The following DUSP29 variants were observed in gnomAD, a reference collection of about 807,000 sequenced individuals.
DUSP29 encodes dual specificity phosphatase 29.
DUSP29 carries 12 observed loss-of-function variants against 13.5 expected under a neutral mutation model. The ratio of observed to expected loss-of-function variants is 0.89; its 90% CI spans 0.57 to 1.44. DUSP29 has a LOEUF of 1.44. Among genes scored for constraint, DUSP29 ranks in the 40% most tolerant of loss-of-function variants. The pLI is 0.00. For synonymous variants in DUSP29, 134 were observed against 128.7 expected (o/e 1.04, Z -0.28); for missense variants, 308 against 301.1 (o/e 1.02, Z -0.17).
chr10:75,073,122 T>A (rs1847370494), intron 1 of DUSP29, among the ~76,000 whole-genome samples: 2 of 152,138 alleles, frequency 1.3e-5, no homozygotes, highest in African/African-American at 4.8e-5. Context: ...GGGAGAATTC[T>A]CATCCCTGGA....
At chr10:75,048,209 T>C (rs963007131) in intron 2 of DUSP29, among the ~76,000 whole-genome samples, 1 of 152,176 alleles carries the variant, frequency 6.6e-6, no homozygotes, top group African/African-American at 2.4e-5. Flanking sequence ...TTGCTAAAAA[T>C]TGCAGTCCGT....
intron 3 of DUSP29, among the ~76,000 whole-genome samples, chr10:75,042,328 A>C (rs1846603192): frequency 6.6e-6 from 1 of 152,250 alleles, no homozygotes; most frequent in South Asian, 2.1e-4. Flanking sequence ...AAATATAGTA[A>C]TGGCAAGTGA....
chr10:75,065,917 G>A (rs1847193148), intron 1 of DUSP29, among the ~76,000 whole-genome samples: 1 of 151,444 alleles, frequency 6.6e-6, no homozygotes, highest in South Asian at 2.1e-4. Flanking sequence ...TATTTTTGTA[G>A]ACATTGTCTT....
At chr10:75,039,599 C>T (rs779548379) in intron 3 of DUSP29, among the ~76,000 whole-genome samples, 14 of 152,170 alleles carry the variant, frequency 9.2e-5, no homozygotes, top group Admixed American at 6.5e-4. Flanking sequence ...GCCTCTGTCA[C>T]GAAAATCAGA....
Position 75,066,695 on chromosome 10 carries a change from C to T in DUSP29, c.-35+6874G>A, listed in dbSNP as rs77318427. ...GGAGTAGAAGCTCACCCAAAACCCC[C>T]GGGCCGAGGCAGGAAGGTGGCCCTC... is the stretch of plus-strand genomic sequence containing the variant. On this transcript the variant is annotated intron_variant, in intron 1 of 3. Transcript: ENST00000338487. Among the ~76,000 whole-genome samples, 319 of 152,196 alleles carry T rather than the reference C, an allele frequency of 2.1e-3. 1 individual carries two copies. The highest frequency in any genetic ancestry group is 7.3e-3 in the African/African-American group (302 of 41,548).
chr10:75,049,939 G>A (rs1030277991), intron 2 of DUSP29, among the ~76,000 whole-genome samples: 18 of 152,232 alleles, frequency 1.2e-4, no homozygotes, highest in Non-Finnish European at 2.4e-4. Flanking sequence ...GCAGGAATCT[G>A]AGCCCAAATG....
rs541488917 is a variant in DUSP29 at position 75,042,000 on chromosome 10, CT to C, written c.421+1796del. On this transcript the variant is annotated intron_variant, in intron 3 of 3. Coordinates refer to ENST00000338487, the MANE Select transcript of DUSP29 (RefSeq NM_001003892.3). The stretch of plus-strand genomic sequence containing the variant: ...ATCTTACAGTTCAAAGTTGGAATGT[CT>C]TTTTTTTTTCTTTGAGGATTGGAAA... 3.3e-4 allele frequency among the ~76,000 whole-genome samples: 49 copies of C among 150,516 alleles called. 1 individual carries two copies. The South Asian group carries it at 3.8e-3, about 12-fold the overall frequency.
intron 3 of DUSP29, among the ~76,000 whole-genome samples, chr10:75,041,942 C>T (rs2134281024): frequency 6.6e-6 from 1 of 152,314 alleles, no homozygotes; most frequent in African/African-American, 2.4e-5. Flanking sequence ...AAATTGAGTG[C>T]CAGGAACCTA....
intron 1 of DUSP29, among the ~76,000 whole-genome samples, chr10:75,073,351 A>T (rs1589872983): frequency 6.6e-6 from 1 of 152,234 alleles, no homozygotes; most frequent in Admixed American, 6.5e-5. Context: ...ATGGTCGTTG[A>T]ACTGGAAGTT....
At chr10:75,064,533 G>A (rs1437520802) in intron 1 of DUSP29, among the ~76,000 whole-genome samples, 1 of 151,968 alleles carries the variant, frequency 6.6e-6, no homozygotes, top group Non-Finnish European at 1.5e-5. Flanking sequence ...AACAAAAAAA[G>A]TTTTTTGTAG....
Position 75,037,916 on chromosome 10 carries a change from C to T in DUSP29, c.583G>A (p.Glu195Lys), listed in dbSNP as rs1266407256. Residue 195 changes from glutamate (E) to lysine (K), a missense_variant, in exon 4 of 4, where the codon GAG (glutamate) becomes AAG (lysine). Physicochemically the swap from Glu to Lys is moderately conservative, Grantham distance 56. Transcript: ENST00000338487. Reference sequence around the variant, plus strand: ...TGCTGCACCAGCTGCTTGTCCAGCTCCCGGAGCTGCTTCAAAAAGCCCCGG... The same window carrying T: ...TGCTGCACCAGCTGCTTGTCCAGCTTCCGGAGCTGCTTCAAAAAGCCCCGG... ...PNRGFLKQLRELDKQLVQQRR... is the reference protein window; with the variant it reads ...PNRGFLKQLRKLDKQLVQQRR... 1 of 1,613,808 alleles carries T rather than the reference C, an allele frequency of 6.2e-7. No individual in the cohort carries two copies.
At position 75,057,421 on chromosome 10, in the gene DUSP29, T is replaced by C. The variant is rs1161980909; in HGVS notation, c.200+894A>G. ...GAGCAGTTAAGAACAAGCCTCTGGG[T>C]TGGGCAGAGCTGCATTTTAATCCCA... is the stretch of plus-strand genomic sequence containing the variant. On this transcript the variant is annotated intron_variant, in intron 2 of 3. Transcript: ENST00000338487. Among the ~76,000 whole-genome samples, 4 of 152,132 alleles carry C rather than the reference T, an allele frequency of 2.6e-5. No individual in the cohort carries two copies. The East Asian group carries it at 5.8e-4, about 22-fold the overall frequency.
At chr10:75,062,074 A>G (rs569128951) in intron 1 of DUSP29, among the ~76,000 whole-genome samples, 1 of 152,262 alleles carries the variant, frequency 6.6e-6, no homozygotes, top group South Asian at 2.1e-4. Flanking sequence ...TCCAGTCAGG[A>G]AGGAAGAAAT....
At chr10:75,067,398 A>C (rs1008008026) in intron 1 of DUSP29, among the ~76,000 whole-genome samples, 3 of 152,120 alleles carry the variant, frequency 2.0e-5, no homozygotes, top group Non-Finnish European at 4.4e-5. Flanking sequence ...TCAGATGAAG[A>C]GGGCAGCCCC....
chr10:75,050,108 G>A (rs2134288941), intron 2 of DUSP29, among the ~76,000 whole-genome samples: 1 of 152,324 alleles, frequency 6.6e-6, no homozygotes, highest in South Asian at 2.1e-4. Flanking sequence ...TCCCGTTTCA[G>A]CCAAGCCTTA....
intron 1 of DUSP29, among the ~76,000 whole-genome samples, chr10:75,069,634 C>T (rs955944195): frequency 2.6e-5 from 4 of 152,200 alleles, no homozygotes; most frequent in African/African-American, 7.2e-5. Flanking sequence ...AAGGCTGCCA[C>T]CTCTTAAATC....
At chr10:75,062,483 G>A (rs1013554466) in intron 1 of DUSP29, among the ~76,000 whole-genome samples, 5 of 152,140 alleles carry the variant, frequency 3.3e-5, no homozygotes, top group Middle Eastern at 3.2e-3. Flanking sequence ...TGAAAGCCTC[G>A]GCTGGATTTC....
intron 1 of DUSP29, among the ~76,000 whole-genome samples, chr10:75,065,881 T>C (rs528237939): frequency 6.7e-6 from 1 of 150,220 alleles, no homozygotes; most frequent in East Asian, 1.9e-4. Flanking sequence ...TTATCATTTA[T>C]TTTATTTTAT....
intron 1 of DUSP29, among the ~76,000 whole-genome samples, chr10:75,069,356 G>A (rs781010350): frequency 1.5e-4 from 23 of 152,166 alleles, no homozygotes; most frequent in Non-Finnish European, 2.9e-4. Context: ...GACCAGGCCC[G>A]TTGTGGTTCC....
Sources: gnomAD v4.1 joint callset for allele counts (sites outside exome capture counted in the v4.1 genomes callset) on GRCh38, gnomAD v4.1.1 for gene constraint, MANE v1.5 for transcripts, NCBI Gene and HGNC (gene_info 2026-07-23, HGNC 2026-07-21) for gene names.